Variants in MFSD2A observed in about 807,000 individuals in gnomAD.
The protein encoded by MFSD2A is sodium-dependent lysophosphatidylcholine symporter 1.
MFSD2A carries 27 observed loss-of-function variants against 64.7 expected under a neutral mutation model. The ratio of observed to expected loss-of-function variants is 0.42; its 90% CI spans 0.31 to 0.58. MFSD2A has a LOEUF of 0.58. Among genes scored for constraint, MFSD2A ranks in the 20% least tolerant of loss-of-function variants. The pLI is 0.18. For missense variants in MFSD2A, 474 were observed against 679.5 expected (o/e 0.70, Z 3.36); for synonymous variants, 258 against 273.4 (o/e 0.94, Z 0.55).
At chr1:39,967,596 AC>A (rs760566994) in intron 9 of MFSD2A, 31 bp from the exon 10 acceptor site, 2 of 1,600,156 alleles carry the variant, frequency 1.2e-6, no homozygotes, top group African/African-American at 2.7e-5. Context: ...GCTCTAAAGC[AC>A]CTCCCTTTAA....
chr1:39,969,162 C>T (rs1038682592), intron 13 of MFSD2A, among the ~76,000 whole-genome samples: 9 of 152,194 alleles, frequency 5.9e-5, no homozygotes, highest in Admixed American at 5.2e-4. Flanking sequence ...CTCAGCATTC[C>T]GGCTCCAGAG....
At chr1:39,962,425 A>C (rs1230482702) in intron 3 of MFSD2A, among the ~76,000 whole-genome samples, 3 of 152,244 alleles carry the variant, frequency 2.0e-5, no homozygotes, top group African/African-American at 7.2e-5. Context: ...TTTTCTTCAC[A>C]GCACTCATCT....
At chr1:39,962,173 G>A (rs1032341103) in intron 3 of MFSD2A, among the ~76,000 whole-genome samples, 3 of 152,100 alleles carry the variant, frequency 2.0e-5, no homozygotes, top group African/African-American at 7.2e-5. Context: ...CTATCTCCCC[G>A]TTCTCTTTAC....
At chr1:39,959,279 G>A (rs189316743) in intron 3 of MFSD2A, among the ~76,000 whole-genome samples, 13 of 144,468 alleles carry the variant, frequency 9.0e-5, no homozygotes, top group South Asian at 8.8e-4. Context: ...ACAGGGTCTC[G>A]CTCTGTCACC....
chr1:39,961,721 A>G (rs1381143813), intron 3 of MFSD2A, among the ~76,000 whole-genome samples: 1 of 151,758 alleles, frequency 6.6e-6, no homozygotes, highest in Non-Finnish European at 1.5e-5. Flanking sequence ...TATGTTGCCC[A>G]GGCTGTTCTT....
At chr1:39,959,232 TTCTTTCTA>T (rs1212499414) in intron 3 of MFSD2A, among the ~76,000 whole-genome samples, 5 of 151,866 alleles carry the variant, frequency 3.3e-5, no homozygotes, top group African/African-American at 1.2e-4. Context: ...TTCTCTTTCT[TTCTTTCTA>T]TCTTTCTTTC....
At chr1:39,966,504 G>A (rs770047492) in intron 6 of MFSD2A, 97 bp from the exon 7 acceptor site, 22 of 961,774 alleles carry the variant, frequency 2.3e-5, no homozygotes, top group Non-Finnish European at 3.4e-5. Context: ...AGAGGGGAGG[G>A]GACTGGCCCA....
In MFSD2A at chr1:39,968,610, G is replaced by T; in HGVS notation, c.1394G>T (p.Arg465Leu). ...ACCCGTGGCTGCTCGCAGCCGGAAC[G>T]TGTCAAGTTTACACTGAACATGCTC... ...YQTRGCSQPE[R>L]VKFTLNMLVT... Residue 465 changes from arginine (R) to leucine (L), a missense_variant, in exon 13 of 14, where the codon CGT becomes CTT. Physicochemically the swap from Arg to Leu is moderately radical, Grantham distance 102 (BLOSUM62 -2). Coordinates refer to ENST00000372811, the MANE Select transcript of MFSD2A (RefSeq NM_032793.5). This position sits in a 1 kb window ranked among gnomAD's most constrained non-coding sequence, Gnocchi z 4.4. 1.9e-6 allele frequency: 3 copies of T among 1,614,124 alleles called. No homozygotes were observed. The highest frequency in any genetic ancestry group is 1.7e-6 in the Non-Finnish European group (2 of 1,180,008).
Position 39,965,422 on chromosome 1 carries a change from T to A in MFSD2A, c.478-49T>A. 6.2e-7 allele frequency: 1 copy of A among 1,613,490 alleles called. No individual in the cohort carries two copies. Among genetic ancestry groups the A allele is most frequent in the Non-Finnish European group, 8.5e-7 (1 of 1,179,578 alleles). ...CCCAGGGTTGGTACTGGAAGCTACATCAGTGTGTCCACCCGCCTGACCAGC... is the reference window on the plus strand; with the variant it reads ...CCCAGGGTTGGTACTGGAAGCTACAACAGTGTGTCCACCCGCCTGACCAGC... On this transcript the variant is annotated intron_variant, in intron 4 of 13. Transcript: ENST00000372811. This position sits in a 1 kb window ranked among gnomAD's most constrained non-coding sequence, Gnocchi z 5.5.
chr1:39,958,160 T>C lies in MFSD2A; in HGVS notation c.229-541T>C, dbSNP rs1644966206. Among the ~76,000 whole-genome samples the C allele has an allele frequency of 6.7e-6, 1 of 150,246 alleles. No individual in the cohort carries two copies. Among genetic ancestry groups the C allele is most frequent in the African/African-American group, 2.5e-5 (1 of 40,688 alleles). On this transcript the variant is annotated intron_variant, in intron 2 of 13. Coordinates refer to ENST00000372811, the MANE Select transcript of MFSD2A (RefSeq NM_032793.5). This position sits in a 1 kb window ranked among gnomAD's most constrained non-coding sequence, Gnocchi z 4.7. ...GATAAGGAGGAGTCTGGAGAGTCTG[T>C]ATTTAGGGCCTGGGGGGTTTTGGGG... is the stretch of plus-strand genomic sequence containing the variant.
In MFSD2A at chr1:39,966,799, T is replaced by G. The variant is rs754846732; in HGVS notation, c.806-12T>G. 3.1e-6 allele frequency: 5 copies of G among 1,613,970 alleles called. No homozygotes were observed. Among genetic ancestry groups the G allele is most frequent in the Non-Finnish European group, 4.2e-6 (5 of 1,180,012 alleles). ...TCTCTGCTCCTTCCTCACTGTCCGC[T>G]CTGGCCCCCAGAACCCTATGAAGCC... On this transcript the variant is annotated splice_polypyrimidine_tract_variant and intron_variant, in intron 7 of 13. Coordinates refer to ENST00000372811, the MANE Select transcript of MFSD2A (RefSeq NM_032793.5).
intron 1 of MFSD2A, among the ~76,000 whole-genome samples, chr1:39,956,833 G>A (rs1282933189): frequency 3.4e-5 from 5 of 147,902 alleles, no homozygotes; most frequent in South Asian, 2.2e-4. Context: ...GGAGAATGGC[G>A]TGAACCCAGG....
At position 39,964,180 on chromosome 1, in the gene MFSD2A, G is replaced by A. The variant is rs1570250427; in HGVS notation, c.354-1031G>A. 1 of 152,314 alleles carries A rather than the reference G, an allele frequency of 6.6e-6. No homozygotes were observed. Among genetic ancestry groups the A allele is most frequent in the East Asian group, 1.9e-4 (1 of 5,200 alleles). 9.4% of individuals were successfully genotyped at this position (152,314 alleles called of 1,614,324 possible). ...AAGGTTCATCTATGTTGTAGCATGT[G>A]TCAGAATTTTATTCCTTATGAAGGT... On this transcript the variant is annotated intron_variant, in intron 3 of 13. Transcript: ENST00000372811. This position sits in a 1 kb window ranked among gnomAD's most constrained non-coding sequence, Gnocchi z 4.1.
rs961104661 is a variant in MFSD2A at position 39,965,556 on chromosome 1, C to G, written c.556+7C>G. 8.1e-6 allele frequency: 13 copies of G among 1,613,892 alleles called. No individual in the cohort carries two copies. The Admixed American group carries it at 1.8e-4, about 23-fold the overall frequency. On this transcript the variant is annotated splice_region_variant and intron_variant, in intron 5 of 13. Transcript: ENST00000372811. The surrounding 1 kb of genome is among the most constrained non-coding windows in gnomAD (Gnocchi z 5.5). Reference sequence around the variant, plus strand: ...GATTCTGCCACCGCCTATCGTGAGTCTCCCCAGCCCACCTGACCCCACCCT... The same window carrying G: ...GATTCTGCCACCGCCTATCGTGAGTGTCCCCAGCCCACCTGACCCCACCCT...
chr1:39,961,434 C>T (rs1262286232), intron 3 of MFSD2A, among the ~76,000 whole-genome samples: 1 of 149,220 alleles, frequency 6.7e-6, no homozygotes, highest in East Asian at 2.0e-4. Flanking sequence ...CAGCAAGCTC[C>T]ACCTCCTGGG....
rs766070275 is a variant in MFSD2A, at chr1:39,967,181, C to G, written c.1011+12C>G. The G allele has an allele frequency of 6.2e-7, 1 of 1,613,308 alleles. No homozygotes were observed. Among genetic ancestry groups the G allele is most frequent in the South Asian group, 1.1e-5 (1 of 90,996 alleles). On this transcript the variant is annotated intron_variant, in intron 9 of 13. Coordinates refer to ENST00000372811, the MANE Select transcript of MFSD2A (RefSeq NM_032793.5). Reference sequence around the variant, plus strand: ...TCCTGGCCATCATGGTGAGTGGGACCTGAGCAGGGGCGGGCAGCCTGGGCT... The same window carrying G: ...TCCTGGCCATCATGGTGAGTGGGACGTGAGCAGGGGCGGGCAGCCTGGGCT...
rs373325492 is a variant in MFSD2A, at chr1:39,965,450, A to G, written c.478-21A>G. 61 of 1,613,898 alleles carry G rather than the reference A, an allele frequency of 3.8e-5. No homozygotes were observed. The African/African-American group carries it at 6.9e-4, about 18-fold the overall frequency. On this transcript the variant is annotated intron_variant, in intron 4 of 13. Coordinates refer to ENST00000372811, the MANE Select transcript of MFSD2A (RefSeq NM_032793.5). This position sits in a 1 kb window ranked among gnomAD's most constrained non-coding sequence, Gnocchi z 5.5. Reference sequence around the variant, plus strand: ...GTGTGTCCACCCGCCTGACCAGCCAATGACCTGTCTTCTATGCCAGTGTTT... The same window carrying G: ...GTGTGTCCACCCGCCTGACCAGCCAGTGACCTGTCTTCTATGCCAGTGTTT...
Position 39,968,118 on chromosome 1 carries a change from G to A in MFSD2A, c.1208+202G>A. 1 of 658,952 alleles carries A rather than the reference G, an allele frequency of 1.5e-6. No individual in the cohort carries two copies. Among genetic ancestry groups the A allele is most frequent in the East Asian group, 2.7e-5 (1 of 36,750 alleles). 40.8% of individuals were successfully genotyped at this position (658,952 alleles called of 1,614,324 possible). A position where few individuals can be genotyped will look rare whatever the true frequency, so the allele number is the denominator to read the frequency against. On this transcript the variant is annotated intron_variant, in intron 11 of 13. Coordinates refer to ENST00000372811, the MANE Select transcript of MFSD2A (RefSeq NM_032793.5). This position sits in a 1 kb window ranked among gnomAD's most constrained non-coding sequence, Gnocchi z 4.4. Reference sequence around the variant, plus strand: ...CTAGTCAGAGTGAAAAATGGGGGCTGTAATCTGGCCTGGGCTCCACTTGCC... The same window carrying A: ...CTAGTCAGAGTGAAAAATGGGGGCTATAATCTGGCCTGGGCTCCACTTGCC...
Position 39,957,193 on chromosome 1 carries a change from T to A in MFSD2A, c.200T>A (p.Leu67His). Residue 67 changes from leucine (L) to histidine (H), a missense_variant, in exon 2 of 14, where the codon CTT becomes CAT. Coordinates refer to ENST00000372811, the MANE Select transcript of MFSD2A (RefSeq NM_032793.5). The stretch of plus-strand genomic sequence containing the variant: ...ACGGGCTGTGCCCTGGGTTTCTTCC[T>A]TCAGATCTACCTATTGGATGTGGCT... ...QVTGCALGFF[L>H]QIYLLDVAQV... 1 of 1,608,852 alleles carries A rather than the reference T, an allele frequency of 6.2e-7. No individual in the cohort carries two copies.
Sources: gnomAD v4.1 joint callset for allele counts (sites outside exome capture counted in the v4.1 genomes callset) on GRCh38, gnomAD v4.1.1 for gene constraint, Gnocchi (gnomAD v3.1) non-coding constraint, MANE v1.5 for transcripts, NCBI Gene and HGNC (gene_info 2026-07-23, HGNC 2026-07-21) for gene names.